Variants in CREB5 observed in about 807,000 individuals in gnomAD.
CREB5 encodes cAMP responsive element binding protein 5.
CREB5 carries 19 observed loss-of-function variants against 57.1 expected under a neutral mutation model. That is an observed-to-expected ratio of 0.33 (90% CI 0.23 to 0.49). CREB5 has a LOEUF of 0.49. CREB5 is among the 20% of genes least tolerant of loss of function. The pLI is 0.99. For missense variants in CREB5, 579 were observed against 671.6 expected, an observed-to-expected ratio of 0.86 and a Z score of 1.52; for synonymous variants, 238 against 238.3, an observed-to-expected ratio of 1.00 and a Z score of 0.01.
intron 5 of CREB5, among the ~76,000 whole-genome samples, chr7:28,658,180 GAA>G (rs1405719254): frequency 6.6e-6 from 1 of 152,166 alleles, no homozygotes. Flanking sequence ...AAAAATGAGA[GAA>G]AGAGTTTTTA....
At chr7:28,767,547 A>G (rs530613529) in intron 7 of CREB5, among the ~76,000 whole-genome samples, 11 of 152,332 alleles carry the variant, frequency 7.2e-5, no homozygotes, top group African/African-American at 2.4e-4. Flanking sequence ...CTAAAGACTC[A>G]GAGTTTCCAA....
chr7:28,625,207 G>A (rs1797955634), intron 5 of CREB5, among the ~76,000 whole-genome samples: 1 of 152,120 alleles, frequency 6.6e-6, no homozygotes, highest in Non-Finnish European at 1.5e-5. Context: ...ATTCAAGCCA[G>A]GCCCAGGCCC....
At chr7:28,425,303 A>G (rs536955187) in intron 1 of CREB5, among the ~76,000 whole-genome samples, 31 of 152,284 alleles carry the variant, frequency 2.0e-4, no homozygotes, top group South Asian at 1.5e-3. Context: ...AACATGAATG[A>G]ACCTTGAAAA....
At chr7:28,596,094 C>T (rs1433879899) in intron 5 of CREB5, among the ~76,000 whole-genome samples, 2 of 152,124 alleles carry the variant, frequency 1.3e-5, no homozygotes, top group Non-Finnish European at 2.9e-5. Context: ...AAGAGGCCAC[C>T]TTTTTGACCA....
intron 5 of CREB5, among the ~76,000 whole-genome samples, chr7:28,666,260 C>T (rs1025267077): frequency 2.6e-5 from 4 of 152,108 alleles, no homozygotes; most frequent in African/African-American, 9.7e-5. Flanking sequence ...GTTCTGTGCC[C>T]ACCCCTTATA....
chr7:28,583,749 G>C (rs1209984692), intron 5 of CREB5, among the ~76,000 whole-genome samples: 1 of 152,056 alleles, frequency 6.6e-6, no homozygotes, highest in Non-Finnish European at 1.5e-5. Flanking sequence ...CATGATCTCA[G>C]CTCAATGCAA....
At chr7:28,814,742 G>T (rs1302047418) in intron 9 of CREB5, among the ~76,000 whole-genome samples, 3 of 152,118 alleles carry the variant, frequency 2.0e-5, no homozygotes, top group African/African-American at 7.2e-5. Context: ...GGCAGCTTGG[G>T]AACTCAAACC....
chr7:28,452,123 C>T (rs1043863045), intron 1 of CREB5, among the ~76,000 whole-genome samples: 3 of 152,104 alleles, frequency 2.0e-5, no homozygotes, highest in East Asian at 1.9e-4. Context: ...TGGATGTCAG[C>T]GTCACTGCAG....
chr7:28,789,449 A>AGGTTCGTG (rs1807536547), intron 7 of CREB5, among the ~76,000 whole-genome samples: 1 of 152,080 alleles, frequency 6.6e-6, no homozygotes, highest in Non-Finnish European at 1.5e-5. Flanking sequence ...CTTAGTTTCA[A>AGGTTCGTG]AATAGGTCTC....
chr7:28,393,107 A>G lies in CREB5; in HGVS notation c.-25+93666A>G, dbSNP rs150211864. On this transcript the variant is annotated intron_variant, in intron 1 of 9. Transcript: ENST00000396299. Reference sequence around the variant, plus strand: ...GCCTGGCTAATTTTATGTTATTTTTAGTAGAGACGGAGTTTCTCCATGTTG... The same window carrying G: ...GCCTGGCTAATTTTATGTTATTTTTGGTAGAGACGGAGTTTCTCCATGTTG... Among the ~76,000 whole-genome samples the G allele has an allele frequency of 2.2e-3, 329 of 152,250 alleles. 2 individuals are homozygous for G. Among genetic ancestry groups the G allele is most frequent in the African/African-American group, 7.7e-3 (318 of 41,562 alleles).
At chr7:28,333,214 T>C (rs1458176441) in intron 1 of CREB5, among the ~76,000 whole-genome samples, 1 of 152,246 alleles carries the variant, frequency 6.6e-6, no homozygotes, top group Admixed American at 6.5e-5. Flanking sequence ...CATGGTCTTT[T>C]TTCTACTTTT....
intron 2 of CREB5, 67 bp from the exon 3 acceptor site, chr7:28,494,839 G>T: frequency 9.8e-7 from 1 of 1,024,504 alleles, no homozygotes; most frequent in Non-Finnish European, 1.4e-6. Flanking sequence ...CTCAATAATG[G>T]TAAATATGTT....
At chr7:28,456,991 G>A (rs953094715) in intron 1 of CREB5, among the ~76,000 whole-genome samples, 12 of 152,196 alleles carry the variant, frequency 7.9e-5, no homozygotes, top group African/African-American at 2.9e-4. Context: ...ACATGGTGCT[G>A]TTACATTTTG....
At position 28,472,134 on chromosome 7, in the gene CREB5, G is replaced by A. The variant is rs561896222; in HGVS notation, c.4-16041G>A. Among the ~76,000 whole-genome samples, 140 of 140,722 alleles carry A rather than the reference G, an allele frequency of 9.9e-4. 2 individuals carry two copies. The highest frequency in any genetic ancestry group is 2.3e-4 in the South Asian group (1 of 4,352). The allele number at this position is 140,722 out of a possible 152,430, so 92.3% of individuals were successfully genotyped here. On this transcript the variant is annotated intron_variant, in intron 1 of 10. Transcript: ENST00000357727. ...TCTCTAGCCACTAAACCCAAAATAC[G>A]TCATCTTATAGTCAAAGCAAAAAAA... is the stretch of plus-strand genomic sequence containing the variant.
chr7:28,696,207 C>G (rs913477464), intron 5 of CREB5, among the ~76,000 whole-genome samples: 1 of 151,358 alleles, frequency 6.6e-6, no homozygotes, highest in Admixed American at 6.6e-5. Context: ...TGCCTCCCGA[C>G]CTTGAAAGGA....
intron 5 of CREB5, among the ~76,000 whole-genome samples, chr7:28,713,361 G>A (rs1045995422): frequency 1.1e-4 from 16 of 152,204 alleles, no homozygotes; most frequent in Non-Finnish European, 4.4e-5. Flanking sequence ...CAAGTGCAAT[G>A]AGCAAATATT....
At chr7:28,740,005 C>T (rs1477910552) in intron 7 of CREB5, among the ~76,000 whole-genome samples, 1 of 151,920 alleles carries the variant, frequency 6.6e-6, no homozygotes, top group African/African-American at 2.4e-5. Flanking sequence ...AATGGTGTTC[C>T]GTGGATTAGT....
At chr7:28,404,194 T>C (rs1787531452) in intron 1 of CREB5, among the ~76,000 whole-genome samples, 1 of 152,220 alleles carries the variant, frequency 6.6e-6, no homozygotes, top group African/African-American at 2.4e-5. Flanking sequence ...AAAAGAACTA[T>C]GGGCCGCCCT....
intron 1 of CREB5, among the ~76,000 whole-genome samples, chr7:28,338,213 A>C (rs1157035479): frequency 1.3e-5 from 2 of 152,108 alleles, no homozygotes; most frequent in Non-Finnish European, 2.9e-5. Context: ...ATTGCCGGTG[A>C]CTTTAGTACC....
Sources: gnomAD v4.1 joint callset for allele counts (sites outside exome capture counted in the v4.1 genomes callset) on GRCh38, gnomAD v4.1.1 for gene constraint, MANE v1.5 for transcripts, NCBI Gene and HGNC (gene_info 2026-07-23, HGNC 2026-07-21) for gene names.